CAMSAP2: variants seen among roughly 807,000 people sequenced by gnomAD.
CAMSAP2 encodes the protein calmodulin-regulated spectrin-associated protein 2.
Under a neutral mutation model 146.1 loss-of-function variants are expected in CAMSAP2, and 26 were observed. That is an observed-to-expected ratio of 0.18 (90% CI 0.13 to 0.25). CAMSAP2 has a LOEUF of 0.25. Among genes scored for constraint, CAMSAP2 ranks in the 10% least tolerant of loss-of-function variants. CAMSAP2 has a pLI of 1.00. For synonymous variants in CAMSAP2, 499 were observed against 596.6 expected, an observed-to-expected ratio of 0.84 and a Z score of 2.38; for missense variants, 1,381 against 1,759.3, an observed-to-expected ratio of 0.78 and a Z score of 3.85.
In CAMSAP2 at chr1:200,832,439, A is replaced by G. The variant is rs984565069; in HGVS notation, c.787+98A>G. ...ACTCCAGCCTAGGTGACTGAGTGGG[A>G]CCCTGTCTCAAAAAAAAGACAATAT... On this transcript the variant is annotated intron_variant, in intron 5 of 16. Coordinates refer to ENST00000358823, the MANE Select transcript of CAMSAP2 (RefSeq NM_203459.4). The surrounding 1 kb of genome is among the most constrained non-coding windows in gnomAD (Gnocchi z 4.2). 8.7e-7 allele frequency: 1 copy of G among 1,149,350 alleles called. No individual in the cohort carries two copies. The highest frequency in any genetic ancestry group is 1.2e-6 in the Non-Finnish European group (1 of 837,018). The allele number at this position is 1,149,350 out of a possible 1,614,324, so 71.2% of individuals were successfully genotyped here. A position where few individuals can be genotyped will look rare whatever the true frequency, so the allele number is the denominator to read the frequency against.
intron 1 of CAMSAP2, among the ~76,000 whole-genome samples, chr1:200,746,688 G>T (rs562239299): frequency 6.6e-6 from 1 of 150,382 alleles, no homozygotes; most frequent in Admixed American, 6.6e-5. Flanking sequence ...GCGTGATCTC[G>T]GCTCACTGCA....
Position 200,849,184 on chromosome 1 carries a change from G to A in CAMSAP2, c.2415G>A (p.Ala805=), listed in dbSNP as rs746345880. The A allele has an allele frequency of 3.3e-5, 54 of 1,613,732 alleles. No homozygotes were observed. The highest frequency in any genetic ancestry group is 1.6e-4 in the Middle Eastern group (1 of 6,084). ...GGATATCTCCTCTACGAGAGGAAGC[G>A]GCGGGTGCAGAAGATGAGAAAGTAT... is the stretch of plus-strand genomic sequence containing the variant. ...GDGISPLREE[A]AGAEDEKVYT... Residue 805 remains alanine, a synonymous_variant, in exon 11 of 17, where the codon GCG becomes GCA. Transcript: ENST00000358823. The surrounding 1 kb of genome is among the most constrained non-coding windows in gnomAD (Gnocchi z 6.3).
At position 200,739,847 on chromosome 1, in the gene CAMSAP2, C is replaced by T. The variant is rs775134909; in HGVS notation, c.20C>T (p.Pro7Leu). The change falls in exon 1 of 17, where the codon CCC becomes CTC. Residue 7 changes from proline (P) to leucine (L), a missense_variant. Pro to Leu is a moderately conservative substitution (Grantham distance 98). This residue lies in a region of CAMSAP2 where 284 missense variants were observed against 406.9 expected (regional missense o/e 0.70). Transcript: ENST00000358823. This position sits in a 1 kb window ranked among gnomAD's most constrained non-coding sequence, Gnocchi z 4.8. The stretch of plus-strand genomic sequence containing the variant: ...TGAAAGATGGGGGATGCTGCAGACC[C>T]CAGGGAGATGAGAAAGACGTTCATT... MGDAAD[P>L]REMRKTFIVP... is the part of the protein sequence containing the mutation. 1.2e-6 allele frequency: 2 copies of T among 1,613,970 alleles called. No homozygotes were observed. The highest frequency in any genetic ancestry group is 2.7e-5 in the African/African-American group (2 of 74,924).
intron 2 of CAMSAP2, among the ~76,000 whole-genome samples, chr1:200,797,250 A>T (rs1183168368): frequency 2.0e-5 from 3 of 150,382 alleles, no homozygotes; most frequent in Non-Finnish European, 4.5e-5. Context: ...CGCCACACTG[A>T]CTTCCACAAT....
At chr1:200,774,319 AT>A (rs1429519813) in intron 2 of CAMSAP2, among the ~76,000 whole-genome samples, 1 of 151,808 alleles carries the variant, frequency 6.6e-6, no homozygotes, top group East Asian at 1.9e-4. Flanking sequence ...AAAAAAAAAA[AT>A]CTTTACAATG....
At chr1:200,829,970 A>T (rs1480423090) in intron 4 of CAMSAP2, among the ~76,000 whole-genome samples, 1 of 150,972 alleles carries the variant, frequency 6.6e-6, no homozygotes, top group Non-Finnish European at 1.5e-5. Flanking sequence ...ACAAACAACA[A>T]AAAAAAGGAG....
At chr1:200,837,014 G>A (rs917310115) in intron 6 of CAMSAP2, among the ~76,000 whole-genome samples, 1 of 146,998 alleles carries the variant, frequency 6.8e-6, no homozygotes, top group Admixed American at 7.0e-5. Flanking sequence ...TGCATAGTCC[G>A]AAAAATTTTC....
chr1:200,804,169 G>A (rs1284629983), intron 2 of CAMSAP2, among the ~76,000 whole-genome samples: 3 of 151,946 alleles, frequency 2.0e-5, no homozygotes, highest in Admixed American at 1.3e-4. Context: ...CTTGTGATCT[G>A]CCCACCTCGG....
chr1:200,764,456 T>A (rs1664885801), intron 2 of CAMSAP2, among the ~76,000 whole-genome samples: 1 of 152,210 alleles, frequency 6.6e-6, no homozygotes, highest in Non-Finnish European at 1.5e-5. Flanking sequence ...TGGGATTAAA[T>A]AGGATTGGAG....
At chr1:200,837,820 A>T (rs1558202258) in intron 6 of CAMSAP2, among the ~76,000 whole-genome samples, 1 of 151,934 alleles carries the variant, frequency 6.6e-6, no homozygotes, top group Non-Finnish European at 1.5e-5. Context: ...TAGGTATTTT[A>T]TTCTTTTTGT....
At chr1:200,826,581 C>G (rs1666912744) in intron 4 of CAMSAP2, among the ~76,000 whole-genome samples, 1 of 152,092 alleles carries the variant, frequency 6.6e-6, no homozygotes. Context: ...CCTGAGAGCA[C>G]CTAGAAGTAG....
chr1:200,771,247 C>T (rs1357507378), intron 2 of CAMSAP2, among the ~76,000 whole-genome samples: 1 of 151,670 alleles, frequency 6.6e-6, no homozygotes, highest in Admixed American at 6.6e-5. Context: ...TGACCACCGA[C>T]AGGAAGATTT....
intron 4 of CAMSAP2, among the ~76,000 whole-genome samples, chr1:200,823,300 A>C (rs1213148384): frequency 6.6e-6 from 1 of 152,174 alleles, no homozygotes; most frequent in Non-Finnish European, 1.5e-5. Context: ...TTTACTTTTA[A>C]AATTATTACA....
chr1:200,758,182 A>G (rs1321920313), intron 1 of CAMSAP2, among the ~76,000 whole-genome samples: 1 of 152,222 alleles, frequency 6.6e-6, no homozygotes, highest in Admixed American at 6.5e-5. Context: ...CAGTAAGTAA[A>G]TGCTAGGTGG....
intron 3 of CAMSAP2, among the ~76,000 whole-genome samples, chr1:200,813,024 T>TA (rs1363596197): frequency 6.6e-6 from 1 of 152,228 alleles, no homozygotes; most frequent in Non-Finnish European, 1.5e-5. Context: ...AGAAATTGTC[T>TA]TAGTCTGTTT....
chr1:200,814,125 A>AGGGGGGGGGGGGGGGGGGGGGGGGGGGG (rs58043977), intron 3 of CAMSAP2, among the ~76,000 whole-genome samples: 1 of 3,970 alleles, frequency 2.5e-4, no homozygotes, highest in African/African-American at 1.1e-3. Context: ...AAAAAAAAAA[A>AGGGGGGGGGGGGGGGGGGGGGGGGGGGG]GGTGGCGGGG....
At chr1:200,817,183 C>CATACACATAAGTGTGTGTATAT (rs1370112352) in intron 4 of CAMSAP2, among the ~76,000 whole-genome samples, 1 of 66,322 alleles carries the variant, frequency 1.5e-5, no homozygotes, top group Admixed American at 1.5e-4. Context: ...TATATACACA[C>CATACACATAAGTGTGTGTATAT]ACACACATGT....
rs2102978797 is a variant in CAMSAP2, at chr1:200,739,337, AG to A, written c.-488del. ...GGGCCTGAGGGGTCTCCCCGCTCCG[AG>A]GGAAGGGGAGAGGGAGGCGAGGGCG... On this transcript the variant is annotated 5_prime_UTR_variant, in exon 1 of 17. Coordinates refer to ENST00000358823, the MANE Select transcript of CAMSAP2 (RefSeq NM_203459.4). The surrounding 1 kb of genome is among the most constrained non-coding windows in gnomAD (Gnocchi z 4.8). Among the ~76,000 whole-genome samples the A allele has an allele frequency of 6.6e-6, 1 of 152,028 alleles. No homozygotes were observed. The highest frequency in any genetic ancestry group is 2.4e-5 in the African/African-American group (1 of 41,490).
intron 2 of CAMSAP2, among the ~76,000 whole-genome samples, chr1:200,789,865 A>T (rs1166327126): frequency 1.3e-5 from 2 of 152,238 alleles, no homozygotes; most frequent in Admixed American, 6.5e-5. Context: ...GATCTTATGC[A>T]TTTTTTTAGA....
Sources: allele counts gnomAD v4.1 joint callset (sites outside exome capture counted in the v4.1 genomes callset), GRCh38; gene constraint gnomAD v4.1.1; regional missense constraint gnomAD v4.1.1; non-coding constraint Gnocchi (gnomAD v3.1); transcripts MANE v1.5; gene names NCBI Gene and HGNC (gene_info 2026-07-23, HGNC 2026-07-21).